Variants in FRRS1 observed in about 807,000 individuals in gnomAD.
FRRS1 encodes ferric chelate reductase 1.
A neutral mutation model predicts 70.7 loss-of-function variants in FRRS1; 51 were observed. The ratio of observed to expected loss-of-function variants is 0.72; its 90% CI spans 0.58 to 0.91. The LOEUF (loss-of-function observed/expected upper bound fraction) is 0.91, where lower values mean the gene tolerates loss of function less well. FRRS1 is among the 40% of genes least tolerant of loss of function. FRRS1 has a pLI of 0.00. For synonymous variants in FRRS1, 225 were observed against 238.7 expected, an observed-to-expected ratio of 0.94 and a Z score of 0.53; for missense variants, 672 against 726.0, an observed-to-expected ratio of 0.93 and a Z score of 0.86.
chr1:99,729,728 C>G lies in FRRS1; in HGVS notation c.780G>C (p.Leu260=), dbSNP rs1282686137. 1 of 1,611,664 alleles carries G rather than the reference C, an allele frequency of 6.2e-7. No homozygotes were observed. Among genetic ancestry groups the G allele is most frequent in the Middle Eastern group, 1.7e-4 (1 of 6,056 alleles). The change falls in exon 8 of 17, where the codon CTG becomes CTC. Residue 260 remains leucine, a synonymous_variant. Transcript: ENST00000646001. Reference sequence around the variant, plus strand: ...ACACAGTCTGATCTTCATGAATACACAGATAAGCATCATCATCACCCTGAA... The same window carrying G: ...ACACAGTCTGATCTTCATGAATACAGAGATAAGCATCATCATCACCCTGAA... ...DQWMGDDDAY[L]CIHEDQTVYI...
chr1:99,724,889 C>T (rs1655006600), intron 9 of FRRS1, among the ~76,000 whole-genome samples: 1 of 151,488 alleles, frequency 6.6e-6, no homozygotes, highest in South Asian at 2.1e-4. Context: ...ATATCTATTA[C>T]ACCTAATACA....
intron 7 of FRRS1, among the ~76,000 whole-genome samples, chr1:99,731,518 G>T (rs1007816595): frequency 6.6e-6 from 1 of 152,126 alleles, no homozygotes; most frequent in Non-Finnish European, 1.5e-5. Flanking sequence ...TAAACCAGGA[G>T]TCAACAAACC....
At chr1:99,736,006 T>C (rs1158887795) in intron 7 of FRRS1, among the ~76,000 whole-genome samples, 2 of 152,212 alleles carry the variant, frequency 1.3e-5, no homozygotes, top group Non-Finnish European at 2.9e-5. Flanking sequence ...TGAACCTTAA[T>C]GAAACTATAC....
At chr1:99,762,414 C>T (rs1657149311) in intron 1 of FRRS1, among the ~76,000 whole-genome samples, 1 of 151,294 alleles carries the variant, frequency 6.6e-6, no homozygotes, top group African/African-American at 2.4e-5. Flanking sequence ...TTTTACGTCT[C>T]TTTCATGAAA....
chr1:99,705,315 T>G lies in FRRS1; in HGVS notation c.*3713A>C, dbSNP rs1226298635. Reference sequence around the variant, plus strand: ...GGCTGGTAACCATCTGTGACCTGGGTGCAGAGATGAGCTTGGTAGGGGCTG... The same window carrying G: ...GGCTGGTAACCATCTGTGACCTGGGGGCAGAGATGAGCTTGGTAGGGGCTG... On this transcript the variant is annotated 3_prime_UTR_variant, in exon 17 of 17. Transcript: ENST00000646001. Among the ~76,000 whole-genome samples, 1 of 152,174 alleles carries G rather than the reference T, an allele frequency of 6.6e-6. No individual in the cohort carries two copies. Among genetic ancestry groups the G allele is most frequent in the Non-Finnish European group, 1.5e-5 (1 of 68,026 alleles).
intron 11 of FRRS1, among the ~76,000 whole-genome samples, chr1:99,716,660 T>C (rs1057033635): frequency 6.6e-6 from 1 of 152,188 alleles, no homozygotes; most frequent in African/African-American, 2.4e-5. Context: ...ATGTCAAGGA[T>C]ACCCTCTTAC....
intron 1 of FRRS1, among the ~76,000 whole-genome samples, chr1:99,758,677 C>A (rs537935900): frequency 6.6e-6 from 1 of 152,166 alleles, no homozygotes; most frequent in South Asian, 2.1e-4. Context: ...TTTTAGGGAA[C>A]AAGGGAAGAC....
intron 10 of FRRS1, among the ~76,000 whole-genome samples, chr1:99,718,557 G>A (rs747850536): frequency 2.0e-5 from 3 of 152,128 alleles, no homozygotes; most frequent in Non-Finnish European, 4.4e-5. Context: ...TCAAACTCCT[G>A]ACCTCAAGTG....
At chr1:99,763,306 AATTCCTGT>A (rs1301453034) in intron 1 of FRRS1, among the ~76,000 whole-genome samples, 1 of 152,056 alleles carries the variant, frequency 6.6e-6, no homozygotes, top group African/African-American at 2.4e-5. Context: ...AATTTGGTTA[AATTCCTGT>A]CCATATAAAA....
intron 8 of FRRS1, 68 bp downstream of exon 8, chr1:99,729,582 C>T (rs1196407970): frequency 1.1e-5 from 11 of 967,204 alleles, no homozygotes; most frequent in South Asian, 4.1e-5. Context: ...AGCACAGCCA[C>T]GCCAGTGATA....
At chr1:99,720,984 A>G (rs17121014) in intron 9 of FRRS1, among the ~76,000 whole-genome samples, 7,043 of 152,184 alleles carry the variant, frequency 0.046, 273 homozygotes, top group South Asian at 0.16. Context: ...TAAGCTAGTA[A>G]CCCTAAAAAT....
chr1:99,763,817 G>A (rs7530264), intron 1 of FRRS1, among the ~76,000 whole-genome samples: 29,115 of 149,002 alleles, frequency 0.2, 3,009 homozygotes, highest in East Asian at 0.27. Flanking sequence ...GAGGTGAGCC[G>A]AGATGGCACC....
At chr1:99,710,735 G>A (rs1351303613) in intron 15 of FRRS1, 71 bp downstream of exon 15, 20 of 1,345,066 alleles carry the variant, frequency 1.5e-5, no homozygotes, top group African/African-American at 1.0e-4. Context: ...CATTACTATC[G>A]GGAAGCGCAT....
At chr1:99,711,024 A>G (rs1300934751) in intron 14 of FRRS1, 75 bp from the exon 15 acceptor site, 2 of 1,250,390 alleles carry the variant, frequency 1.6e-6, no homozygotes, top group East Asian at 2.5e-5. Flanking sequence ...GTGTATGTGT[A>G]TTATCAAGTA....
chr1:99,719,432 T>G, intron 10 of FRRS1, 102 bp downstream of exon 10: 1 of 649,838 alleles, frequency 1.5e-6, no homozygotes. Flanking sequence ...AAAAAATGCT[T>G]TATAAAAATT....
intron 5 of FRRS1, 133 bp from the exon 6 acceptor site, chr1:99,741,073 T>C (rs1209344947): frequency 1.7e-5 from 14 of 819,854 alleles, no homozygotes; most frequent in Non-Finnish European, 2.3e-5. Flanking sequence ...CTATTAATTT[T>C]GCCTGAGGCA....
At chr1:99,741,892 T>C (rs1241401606) in intron 5 of FRRS1, among the ~76,000 whole-genome samples, 2 of 152,196 alleles carry the variant, frequency 1.3e-5, no homozygotes, top group Non-Finnish European at 2.9e-5. Context: ...CAAAACAAAC[T>C]CCTACATCAG....
intron 9 of FRRS1, among the ~76,000 whole-genome samples, chr1:99,728,024 A>AC (rs1225078839): frequency 6.6e-6 from 1 of 152,084 alleles, no homozygotes; most frequent in Non-Finnish European, 1.5e-5. Flanking sequence ...GCTGTCCAGG[A>AC]CCTATTCTCT....
intron 1 of FRRS1, among the ~76,000 whole-genome samples, chr1:99,766,044 C>G (rs1476025982): frequency 6.6e-6 from 1 of 152,110 alleles, no homozygotes; most frequent in Non-Finnish European, 1.5e-5. Flanking sequence ...CCCCTTTACC[C>G]TTTAGGGCAG....
Sources: allele counts gnomAD v4.1 joint callset (sites outside exome capture counted in the v4.1 genomes callset), GRCh38; gene constraint gnomAD v4.1.1; transcripts MANE v1.5; gene names NCBI Gene and HGNC (gene_info 2026-07-23, HGNC 2026-07-21).